KAZN: variants seen among roughly 807,000 people sequenced by gnomAD.
KAZN encodes the protein kazrin.
Under a neutral mutation model 87.4 loss-of-function variants are expected in KAZN, and 40 were observed. That is an observed-to-expected ratio of 0.46 (90% CI 0.36 to 0.60). KAZN has a LOEUF of 0.60. KAZN is among the 20% of genes least tolerant of loss of function. The probability of loss-of-function intolerance (pLI) is 0.00; values close to 1 mark genes in which losing one functional copy is unlikely to be tolerated. For synonymous variants in KAZN, 466 were observed against 458.3 expected, an observed-to-expected ratio of 1.02 and a Z score of -0.22; for missense variants, 898 against 1,073.9, an observed-to-expected ratio of 0.84 and a Z score of 2.29.
chr1:13,955,636 A>G (rs2101008774), intron 1 of KAZN, among the ~76,000 whole-genome samples: 1 of 152,330 alleles, frequency 6.6e-6, no homozygotes, highest in Non-Finnish European at 1.5e-5. Flanking sequence ...AGGAGAGGAC[A>G]ACTGGACAAA....
intron 2 of KAZN, among the ~76,000 whole-genome samples, chr1:14,466,777 GC>G (rs1207155704): frequency 1.3e-5 from 2 of 151,958 alleles, no homozygotes; most frequent in African/African-American, 4.8e-5. Context: ...GACCATCCTG[GC>G]TAACACGGTG....
chr1:14,781,094 A>C (rs12748937), intron 1 of KAZN, among the ~76,000 whole-genome samples: 96 of 152,010 alleles, frequency 6.3e-4, no homozygotes, highest in Non-Finnish European at 1.1e-3. Flanking sequence ...AGGCCGAGGC[A>C]GGTGGATCAC....
At chr1:14,337,089 A>G (rs1657324171) in intron 2 of KAZN, among the ~76,000 whole-genome samples, 1 of 152,266 alleles carries the variant, frequency 6.6e-6, no homozygotes, top group African/African-American at 2.4e-5. Context: ...TGCAATTAGC[A>G]GCTTCACTGG....
chr1:14,501,615 C>G (rs952680521), intron 2 of KAZN, among the ~76,000 whole-genome samples: 1 of 152,124 alleles, frequency 6.6e-6, no homozygotes, highest in Non-Finnish European at 1.5e-5. Context: ...ACACTAAGGA[C>G]TACAAAACAT....
chr1:14,122,446 T>C (rs1644772121), intron 1 of KAZN, among the ~76,000 whole-genome samples: 1 of 152,132 alleles, frequency 6.6e-6, no homozygotes, highest in Non-Finnish European at 1.5e-5. Context: ...GACAGACAGT[T>C]CCTATGTGAA....
intron 1 of KAZN, among the ~76,000 whole-genome samples, chr1:14,726,200 G>A (rs886996017): frequency 6.6e-6 from 1 of 152,228 alleles, no homozygotes; most frequent in Non-Finnish European, 1.5e-5. Context: ...AAGCCCTTGT[G>A]TGGAGGTATC....
intron 1 of KAZN, among the ~76,000 whole-genome samples, chr1:14,601,263 A>G (rs943880393): frequency 2.6e-5 from 4 of 152,180 alleles, no homozygotes; most frequent in African/African-American, 9.7e-5. Flanking sequence ...AAAATGTTCA[A>G]AGGTTTAAAC....
intron 1 of KAZN, among the ~76,000 whole-genome samples, chr1:14,938,263 C>T (rs946976088): frequency 3.9e-5 from 6 of 152,130 alleles, no homozygotes; most frequent in African/African-American, 7.2e-5. Flanking sequence ...CAAAATGGGC[C>T]GGATGCGGTG....
chr1:14,235,763 T>A (rs1026614636), intron 2 of KAZN, among the ~76,000 whole-genome samples: 1 of 152,324 alleles, frequency 6.6e-6, no homozygotes, highest in Non-Finnish European at 1.5e-5. Context: ...CTGGATGGAC[T>A]CTTAGGCATC....
intron 2 of KAZN, among the ~76,000 whole-genome samples, chr1:14,358,664 C>T (rs1450722094): frequency 6.6e-6 from 1 of 152,024 alleles, no homozygotes; most frequent in Non-Finnish European, 1.5e-5. Context: ...TTTATTTCTG[C>T]CTTAATTTTG....
intron 1 of KAZN, among the ~76,000 whole-genome samples, chr1:14,002,703 GA>G (rs1338293777): frequency 6.6e-6 from 1 of 152,182 alleles, no homozygotes; most frequent in African/African-American, 2.4e-5. Flanking sequence ...GTCAAGAAAT[GA>G]TAGATGCTGG....
chr1:14,427,019 C>T (rs1004760750), intron 2 of KAZN, among the ~76,000 whole-genome samples: 1 of 152,198 alleles, frequency 6.6e-6, no homozygotes, highest in African/African-American at 2.4e-5. Context: ...TTGACGCTTC[C>T]TGTTATGGGG....
Position 14,856,164 on chromosome 1 carries a change from G to GA in KAZN, c.227-104519dup, listed in dbSNP as rs1236850704. Among the ~76,000 whole-genome samples the GA allele has an allele frequency of 3.3e-5, 5 of 152,288 alleles. 1 individual carries two copies. The highest frequency in any genetic ancestry group is 9.6e-5 in the African/African-American group (4 of 41,554). ...AAATCAGACTCTGAGGGTGGTCAGG[G>GA]AGGCTGCAGCTCTTGGGAGGATAAT... is the stretch of plus-strand genomic sequence containing the variant. On this transcript the variant is annotated intron_variant, in intron 1 of 14. Transcript: ENST00000376030. The surrounding 1 kb of genome is among the most constrained non-coding windows in gnomAD (Gnocchi z 5.2).
At chr1:14,121,164 T>A (rs1013825366) in intron 1 of KAZN, among the ~76,000 whole-genome samples, 5 of 152,196 alleles carry the variant, frequency 3.3e-5, no homozygotes, top group African/African-American at 1.2e-4. Flanking sequence ...TGTTGCTTTA[T>A]CAAGGAATTT....
intron 1 of KAZN, among the ~76,000 whole-genome samples, chr1:13,919,719 G>A (rs1639992327): frequency 1.3e-5 from 2 of 152,160 alleles, no homozygotes; most frequent in South Asian, 4.2e-4. Flanking sequence ...TATATAGTGT[G>A]CATGCCAGTC....
In KAZN at chr1:15,063,601, C is replaced by T. The variant is rs145575894; in HGVS notation, c.1077C>T (p.Asn359=). ...NGDSPGPVQK[N]LHNPIVQSLE... is the part of the protein sequence containing the mutation. ...ACAGTCCCGGCCCAGTTCAGAAGAACCTGCACAACCCTATTGTACAGGTAG... is the reference window on the plus strand; with the variant it reads ...ACAGTCCCGGCCCAGTTCAGAAGAATCTGCACAACCCTATTGTACAGGTAG... The change falls in exon 7 of 15, where the codon AAC becomes AAT. Residue 359 remains asparagine, a synonymous_variant. Coordinates refer to ENST00000376030, the MANE Select transcript of KAZN (RefSeq NM_201628.3). The T allele has an allele frequency of 8.1e-6, 13 of 1,614,148 alleles. No individual in the cohort carries two copies. The highest frequency in any genetic ancestry group is 1.1e-5 in the Non-Finnish European group (13 of 1,179,960).
At chr1:14,881,561 T>A (rs1572717089) in intron 1 of KAZN, among the ~76,000 whole-genome samples, 1 of 152,350 alleles carries the variant, frequency 6.6e-6, no homozygotes, top group East Asian at 1.9e-4. Context: ...TGCTAGGCAC[T>A]GTCCTCAGCC....
chr1:14,327,340 C>T (rs1656508521), intron 2 of KAZN, among the ~76,000 whole-genome samples: 2 of 152,162 alleles, frequency 1.3e-5, no homozygotes, highest in African/African-American at 4.8e-5. Flanking sequence ...GAGCCCCAGC[C>T]ACCACAGATC....
chr1:15,063,658 T>C (rs1013246340), intron 7 of KAZN, 36 bp downstream of exon 7: 2 of 1,532,396 alleles, frequency 1.3e-6, no homozygotes, highest in African/African-American at 2.8e-5. Context: ...GAACCCTCCC[T>C]CCACCCCACC....
Sources: allele counts gnomAD v4.1 joint callset (sites outside exome capture counted in the v4.1 genomes callset), GRCh38; gene constraint gnomAD v4.1.1; non-coding constraint Gnocchi (gnomAD v3.1); transcripts MANE v1.5; gene names NCBI Gene and HGNC (gene_info 2026-07-23, HGNC 2026-07-21).